DIAPH2: variants seen among roughly 807,000 people sequenced by gnomAD.
DIAPH2 encodes protein diaphanous homolog 2.
In DIAPH2, 35 loss-of-function variants were observed where a neutral mutation model predicts 92.7. That is an observed-to-expected ratio of 0.38 (90% CI 0.29 to 0.50). DIAPH2 has a LOEUF of 0.50. Ranked by LOEUF, DIAPH2 falls within the 20% of genes least tolerant of loss-of-function variation. The pLI is 0.94. For missense variants in DIAPH2, 701 were observed against 819.5 expected, an observed-to-expected ratio of 0.86 and a Z score of 1.77; for synonymous variants, 301 against 280.4, an observed-to-expected ratio of 1.07 and a Z score of -0.73.
At chrX:96,941,283 C>A (rs2065702754) in intron 12 of DIAPH2, among the ~76,000 whole-genome samples, 2 of 111,716 alleles carry the variant, frequency 1.8e-5, no homozygotes, top group African/African-American at 6.5e-5. Context: ...TTGACAAATA[C>A]TAAATCTTAC....
chrX:97,534,247 A>G (rs980979656), intron 26 of DIAPH2, among the ~76,000 whole-genome samples: 1 of 110,919 alleles, frequency 9.0e-6, no homozygotes, highest in Admixed American at 9.6e-5. Flanking sequence ...TCATTTAGTC[A>G]TGTTCTATTT....
At chrX:96,993,097 C>T (rs148103711) in intron 17 of DIAPH2, among the ~76,000 whole-genome samples, 3 of 112,484 alleles carry the variant, frequency 2.7e-5, no homozygotes, top group East Asian at 2.8e-4. Flanking sequence ...ATCAATATCA[C>T]ACCAGTGTGA....
At chrX:97,062,586 G>A (rs1355680105) in intron 17 of DIAPH2, among the ~76,000 whole-genome samples, 2 of 111,610 alleles carry the variant, frequency 1.8e-5, no homozygotes, top group Non-Finnish European at 3.8e-5. Flanking sequence ...GATTGAGGAG[G>A]AAGAGGGTAG....
intron 26 of DIAPH2, chrX:97,555,537 G>C (rs1230839000): frequency 4.3e-6 from 2 of 467,143 alleles, no homozygotes; most frequent in Admixed American, 8.8e-5. Context: ...TTGTAAATAG[G>C]GTGAGTGGGA....
chrX:97,469,615 A>T, intron 26 of DIAPH2: 1 of 924,471 alleles, frequency 1.1e-6, no homozygotes, highest in Non-Finnish European at 1.5e-6. Flanking sequence ...GTTTTGTCTT[A>T]TTCAGTGTTC....
At chrX:96,861,077 T>C (rs1473325941) in intron 4 of DIAPH2, among the ~76,000 whole-genome samples, 1 of 111,491 alleles carries the variant, frequency 9.0e-6, no homozygotes, top group Non-Finnish European at 1.9e-5. Context: ...CCAGGAACCA[T>C]AGAGTGTTCT....
intron 9 of DIAPH2, among the ~76,000 whole-genome samples, chrX:96,921,680 T>C (rs1046864864): frequency 2.9e-5 from 3 of 103,087 alleles, no homozygotes; most frequent in African/African-American, 1.0e-4. Flanking sequence ...TTCTCTCCTT[T>C]GTTCTCTACC....
At chrX:97,245,068 C>T (rs1349487866) in intron 22 of DIAPH2, among the ~76,000 whole-genome samples, 3 of 106,988 alleles carry the variant, frequency 2.8e-5, no homozygotes, top group Admixed American at 1.0e-4. Context: ...TCCAGCCTGG[C>T]GACAGAGTGA....
intron 19 of DIAPH2, among the ~76,000 whole-genome samples, chrX:97,094,370 G>C (rs756349208): frequency 1.8e-5 from 2 of 111,967 alleles, no homozygotes; most frequent in Non-Finnish European, 3.8e-5. Flanking sequence ...CTAGATTAAA[G>C]ATTAGATAGG....
At chrX:96,939,599 TATACA>T (rs1362283177) in intron 12 of DIAPH2, among the ~76,000 whole-genome samples, 2 of 50,852 alleles carry the variant, frequency 3.9e-5, no homozygotes, top group Non-Finnish European at 8.8e-5. Flanking sequence ...TGTGTGTGTA[TATACA>T]CACACACACA....
rs771803126 is a variant in DIAPH2 at position 96,741,843 on chromosome X, A to G, written c.342+3081A>G. 6.3e-5 allele frequency among the ~76,000 whole-genome samples: 7 copies of G among 111,470 alleles called. No individual in the cohort carries two copies. In the South Asian group the frequency reaches 2.7e-3, roughly 42 times the overall value. ...GCAGTTGATTATTCTCTCCAATTTG[A>G]AACACTTTTTATTTTTTTGTCTCCT... is the stretch of plus-strand genomic sequence containing the variant. On this transcript the variant is annotated intron_variant, in intron 3 of 26. Coordinates refer to ENST00000324765, the MANE Select transcript of DIAPH2 (RefSeq NM_006729.5).
intron 24 of DIAPH2, among the ~76,000 whole-genome samples, chrX:97,374,626 A>G (rs142351677): frequency 1.7e-3 from 188 of 111,880 alleles, no homozygotes; most frequent in African/African-American, 5.7e-3. Flanking sequence ...AGAGGTACTG[A>G]CTCTCAGAGT....
intron 12 of DIAPH2, among the ~76,000 whole-genome samples, chrX:96,939,697 C>T (rs1602647281): frequency 2.6e-5 from 1 of 38,069 alleles, no homozygotes; most frequent in Non-Finnish European, 5.5e-5. Flanking sequence ...CGGAGTTTCG[C>T]TCTGTCGCCC....
At chrX:97,080,831 C>T (rs1269980702) in intron 19 of DIAPH2, among the ~76,000 whole-genome samples, 1 of 111,252 alleles carries the variant, frequency 9.0e-6, no homozygotes, top group Admixed American at 9.6e-5. Flanking sequence ...AGTCAGGAAG[C>T]TCATGCATGT....
intron 25 of DIAPH2, among the ~76,000 whole-genome samples, chrX:97,399,889 C>T (rs1265961437): frequency 5.3e-5 from 6 of 112,375 alleles, no homozygotes; most frequent in Non-Finnish European, 1.1e-4. Context: ...TTTGGTCACA[C>T]CCAGATGTGG....
intron 26 of DIAPH2, among the ~76,000 whole-genome samples, chrX:97,450,026 T>C (rs2070346046): frequency 9.0e-6 from 1 of 110,903 alleles, no homozygotes; most frequent in African/African-American, 3.3e-5. Flanking sequence ...CAGTTCAAGT[T>C]TCTTGAGTGC....
At chrX:97,509,667 C>A (rs1028097743) in intron 26 of DIAPH2, among the ~76,000 whole-genome samples, 1 of 105,172 alleles carries the variant, frequency 9.5e-6, no homozygotes, top group South Asian at 4.5e-4. Context: ...ACTCCCCCCA[C>A]CCCACAACAG....
chrX:97,500,763 GATATATATATATATATATATATATAT>G (rs56041649), intron 26 of DIAPH2, among the ~76,000 whole-genome samples: 2 of 60,108 alleles, frequency 3.3e-5, no homozygotes, highest in East Asian at 6.8e-4. Flanking sequence ...CATTCAAGGA[GATATATATATATATATATATATATAT>G]ATATATATAT....
intron 21 of DIAPH2, among the ~76,000 whole-genome samples, chrX:97,132,914 A>AT (rs371102786): frequency 2.4e-4 from 25 of 106,007 alleles, no homozygotes; most frequent in South Asian, 4.0e-4. Context: ...GGATTAGGCA[A>AT]TTTTTTTTTT....
Sources: allele counts gnomAD v4.1 joint callset (sites outside exome capture counted in the v4.1 genomes callset), GRCh38; gene constraint gnomAD v4.1.1; transcripts MANE v1.5; gene names NCBI Gene and HGNC (gene_info 2026-07-23, HGNC 2026-07-21).